Variants in A2M observed in about 807,000 individuals in gnomAD.
The protein encoded by A2M is C3 and PZP-like alpha-2-macroglobulin domain-containing protein 5.
Under a neutral mutation model 183.9 loss-of-function variants are expected in A2M, and 128 were observed. That is an observed-to-expected ratio of 0.70 (90% CI 0.60 to 0.81). The LOEUF is 0.81. A2M is among the 30% of genes least tolerant of loss of function. A2M has a pLI of 0.00. For synonymous variants in A2M, 592 were observed against 670.8 expected (o/e 0.88, Z 1.81); for missense variants, 1,495 against 1,787.6 (o/e 0.84, Z 2.95).
intron 22 of A2M, among the ~76,000 whole-genome samples, chr12:9,083,935 TAAAG>T (rs985369781): frequency 6.6e-6 from 1 of 151,900 alleles, no homozygotes; most frequent in Non-Finnish European, 1.5e-5. Context: ...CAGAAGGTGA[TAAAG>T]AAACATATCA....
At chr12:9,089,354 G>T in intron 21 of A2M, 103 bp from the exon 22 acceptor site, 2 of 861,084 alleles carry the variant, frequency 2.3e-6, no homozygotes, top group South Asian at 2.9e-5. Flanking sequence ...AGAAGGATTT[G>T]AACTGTATTA....
intron 19 of A2M, 167 bp from the exon 20 acceptor site, chr12:9,090,649 A>G (rs1330707905): frequency 1.5e-6 from 1 of 679,498 alleles, no homozygotes; most frequent in African/African-American, 1.8e-5. Context: ...ATCTTAATGT[A>G]TCAGATTTAC....
At chr12:9,083,513 A>G (rs1483934852) in intron 22 of A2M, among the ~76,000 whole-genome samples, 1 of 152,134 alleles carries the variant, frequency 6.6e-6, no homozygotes, top group East Asian at 1.9e-4. Flanking sequence ...GACTAAAATT[A>G]AAAATTCAAA....
At chr12:9,077,480 C>T in intron 26 of A2M, 60 bp from the exon 27 acceptor site, 1 of 1,521,842 alleles carries the variant, frequency 6.6e-7, no homozygotes, top group Non-Finnish European at 9.0e-7. Context: ...TTGATTAGTT[C>T]TTTCTATTCT....
At chr12:9,088,857 C>A (rs1949124076) in intron 22 of A2M, among the ~76,000 whole-genome samples, 1 of 152,142 alleles carries the variant, frequency 6.6e-6, no homozygotes, top group African/African-American at 2.4e-5. Context: ...CTAAATTCAG[C>A]CGTCCATAGT....
chr12:9,093,140 A>G (rs757107473), intron 18 of A2M, among the ~76,000 whole-genome samples: 91 of 152,324 alleles, frequency 6.0e-4, no homozygotes, highest in African/African-American at 2.2e-3. Context: ...GAAGTTACGT[A>G]GGATGAATAA....
At chr12:9,079,879 G>A in intron 23 of A2M, 64 bp from the exon 24 acceptor site, 1 of 1,397,868 alleles carries the variant, frequency 7.2e-7, no homozygotes, top group Non-Finnish European at 9.5e-7. Context: ...AAGTCATTAA[G>A]CAGAAATAAT....
chr12:9,088,721 C>A (rs369927442), intron 22 of A2M, among the ~76,000 whole-genome samples: 1 of 151,944 alleles, frequency 6.6e-6, no homozygotes, highest in South Asian at 2.1e-4. Context: ...GCATTAGGTA[C>A]GGGATAGGCA....
At chr12:9,068,126 T>C in intron 35 of A2M, 57 bp downstream of exon 35, 1 of 1,572,034 alleles carries the variant, frequency 6.4e-7, no homozygotes, top group Non-Finnish European at 8.7e-7. Flanking sequence ...AGGAGAAGGT[T>C]TGGGGGGCAA....
In A2M at chr12:9,101,458, A is replaced by C. The variant is rs200091633; in HGVS notation, c.1483T>G (p.Phe495Val). 23 of 1,613,452 alleles carry C rather than the reference A, an allele frequency of 1.4e-5. No individual in the cohort carries two copies. The highest frequency in any genetic ancestry group is 1.9e-5 in the Non-Finnish European group (22 of 1,179,560). ...GTLLGLKKLS[F>V]YYLIMAKGGI... ...ACCTCCCTTCTCACCAGATAATAGAAGGAGAGCTTCTTCAGCCCCAGCAGG... is the reference window on the plus strand; with the variant it reads ...ACCTCCCTTCTCACCAGATAATAGACGGAGAGCTTCTTCAGCCCCAGCAGG... The change falls in exon 12 of 36, where the codon TTC (phenylalanine) becomes GTC (valine). Residue 495 changes from phenylalanine (F) to valine (V), a missense_variant. Physicochemically the swap from Phe to Val is conservative, Grantham distance 50. Coordinates refer to ENST00000318602, the MANE Select transcript of A2M (RefSeq NM_000014.6).
Position 9,091,205 on chromosome 12 carries a change from A to T in A2M, c.2465T>A (p.Ile822Asn). The T allele has an allele frequency of 6.2e-7, 1 of 1,613,366 alleles. No homozygotes were observed. Among genetic ancestry groups the T allele is most frequent in the Non-Finnish European group, 8.5e-7 (1 of 1,179,374 alleles). The change falls in exon 19 of 36, where the codon ATC (isoleucine) becomes AAC (asparagine). Residue 822 changes from isoleucine (I) to asparagine (N), a missense_variant. Transcript: ENST00000318602. ...ATTTAGGAAAGAGATCCTTACCCGGATGCATTTGGGAAGGTAGTTTAGGAC... is the reference window on the plus strand; with the variant it reads ...ATTTAGGAAAGAGATCCTTACCCGGTTGCATTTGGGAAGGTAGTTTAGGAC... ...ATVLNYLPKC[I>N]RVSVQLEASP...
At chr12:9,107,678 A>G (rs1203928117) in intron 7 of A2M, 34 bp from the exon 8 acceptor site, 4 of 1,609,950 alleles carry the variant, frequency 2.5e-6, no homozygotes, top group Non-Finnish European at 3.4e-6. Flanking sequence ...GAATCAGAGC[A>G]GACACTGAAC....
At chr12:9,081,178 T>C (rs1410629821) in intron 22 of A2M, among the ~76,000 whole-genome samples, 1 of 151,942 alleles carries the variant, frequency 6.6e-6, no homozygotes, top group Non-Finnish European at 1.5e-5. Context: ...AAAAAACTAC[T>C]CAAAAGACAA....
chr12:9,079,853 A>G (rs1214083702), intron 23 of A2M, 38 bp from the exon 24 acceptor site: 1 of 1,495,368 alleles, frequency 6.7e-7, no homozygotes, highest in Non-Finnish European at 8.9e-7. Context: ...TAAAGCTTGG[A>G]GATTATCATC....
At chr12:9,075,956 A>C (rs1235532176) in intron 28 of A2M, among the ~76,000 whole-genome samples, 1 of 152,214 alleles carries the variant, frequency 6.6e-6, no homozygotes, top group Non-Finnish European at 1.5e-5. Flanking sequence ...AAGAAGAATT[A>C]ATGGCTGTCA....
At chr12:9,079,174 T>C (rs1417516289) in intron 25 of A2M, 70 bp downstream of exon 25, 1 of 1,179,856 alleles carries the variant, frequency 8.5e-7, no homozygotes, top group Non-Finnish European at 1.3e-6. Flanking sequence ...TTGCTGTGAA[T>C]ATAATTGAGG....
intron 11 of A2M, 22 bp downstream of exon 11, chr12:9,104,217 G>A: frequency 1.3e-6 from 2 of 1,599,300 alleles, no homozygotes; most frequent in Non-Finnish European, 1.7e-6. Context: ...TCATGTCATT[G>A]GTAATTTCTT....
chr12:9,089,248 C>A lies in A2M; in HGVS notation c.2722G>T (p.Glu908Ter). ...TVIKPLLVEP[E>*]GLEKETTFNS... ...AATGTTGTTTCCTTCTCTAGTCCTT[C>A]AGGCTTTAGGTAAAAGAAAGAAAAG... The change falls in exon 22 of 36, where the codon GAA becomes TAA. Residue 908 changes from glutamate (E) to a stop codon, truncating the protein, a stop_gained. Coordinates refer to ENST00000318602, the MANE Select transcript of A2M (RefSeq NM_000014.6). LOFTEE classifies it high-confidence loss of function. The A allele has an allele frequency of 6.3e-7, 1 of 1,583,210 alleles. No homozygotes were observed. Among genetic ancestry groups the A allele is most frequent in the Non-Finnish European group, 8.6e-7 (1 of 1,162,414 alleles).
At chr12:9,091,146 A>G (rs1409334339) in intron 19 of A2M, 55 bp downstream of exon 19, 4 of 1,573,696 alleles carry the variant, frequency 2.5e-6, no homozygotes, top group Admixed American at 1.7e-5. Context: ...TAGGAATGCA[A>G]CTTTTAATTT....
Sources: gnomAD v4.1 joint callset for allele counts (sites outside exome capture counted in the v4.1 genomes callset) on GRCh38, gnomAD v4.1.1 for gene constraint, MANE v1.5 for transcripts, NCBI Gene and HGNC (gene_info 2026-07-23, HGNC 2026-07-21) for gene names.